LRRK1: variants seen among roughly 807,000 people sequenced by gnomAD.
LRRK1 encodes the protein leucine rich repeat kinase 1, also known as leucine-rich repeat serine/threonine-protein kinase 1.
LRRK1 carries 113 observed loss-of-function variants against 209.1 expected under a neutral mutation model. The ratio of observed to expected loss-of-function variants is 0.54; its 90% CI spans 0.46 to 0.63. LRRK1 has a LOEUF of 0.63. LRRK1 is among the 30% of genes least tolerant of loss of function. The pLI, the probability that LRRK1 is intolerant of heterozygous loss-of-function variation, is 0.00. For synonymous variants in LRRK1, 1,144 were observed against 1,099.7 expected (o/e 1.04, Z -0.80); for missense variants, 2,284 against 2,632.2 (o/e 0.87, Z 2.89).
chr15:100,978,467 A>G (rs144407963), intron 3 of LRRK1, among the ~76,000 whole-genome samples: 75 of 152,356 alleles, frequency 4.9e-4, no homozygotes, highest in African/African-American at 1.7e-3. Context: ...AAAACTAAAG[A>G]CAAAACAAAA....
chr15:101,066,561 C>T, intron 32 of LRRK1, 79 bp from the exon 33 acceptor site: 4 of 1,354,796 alleles, frequency 3.0e-6, no homozygotes, highest in Non-Finnish European at 4.2e-6. Context: ...CCTCCCGCAC[C>T]TTTCTGCACA....
intron 6 of LRRK1, chr15:100,989,634 C>T: frequency 6.9e-6 from 4 of 582,626 alleles, no homozygotes; most frequent in Non-Finnish European, 1.2e-5. Context: ...TATAACAACC[C>T]ACCCTCAAAA....
chr15:101,066,616 C>T, intron 32 of LRRK1, 24 bp from the exon 33 acceptor site: 1 of 1,609,654 alleles, frequency 6.2e-7, no homozygotes, highest in South Asian at 1.1e-5. Flanking sequence ...AAATCGCTTC[C>T]CCTTCTGGGT....
At chr15:101,009,815 T>G (rs1202116402) in intron 7 of LRRK1, among the ~76,000 whole-genome samples, 1 of 152,192 alleles carries the variant, frequency 6.6e-6, no homozygotes, top group Non-Finnish European at 1.5e-5. Flanking sequence ...CTTGACCTCC[T>G]GACCTCATGA....
Position 101,055,241 on chromosome 15 carries a change from C to T in LRRK1, c.4332+18C>T. On this transcript the variant is annotated intron_variant, in intron 27 of 33. Transcript: ENST00000388948. ...ATGAGAAGGTACGTGCCTGGATCCC[C>T]TGGCCCAGCCCCACAGTGTAGGAGC... 3 of 1,526,516 alleles carry T rather than the reference C, an allele frequency of 2.0e-6. No individual in the cohort carries two copies. The highest frequency in any genetic ancestry group is 2.6e-5 in the South Asian group (2 of 76,190). The allele number at this position is 1,526,516 out of a possible 1,614,324, so 94.6% of individuals were successfully genotyped here. A position where few individuals can be genotyped will look rare whatever the true frequency, so the allele number is the denominator to read the frequency against.
chr15:101,057,738 C>A (rs945139490), intron 28 of LRRK1, among the ~76,000 whole-genome samples: 13 of 152,178 alleles, frequency 8.5e-5, no homozygotes, highest in African/African-American at 2.2e-4. Context: ...GTCCTTGGGC[C>A]TGGGTTGGAA....
chr15:100,981,358 C>T (rs1021376273), intron 3 of LRRK1, among the ~76,000 whole-genome samples: 1 of 152,184 alleles, frequency 6.6e-6, no homozygotes, highest in South Asian at 2.1e-4. Flanking sequence ...AATGCAAATG[C>T]TTTCCTGGAA....
intron 26 of LRRK1, among the ~76,000 whole-genome samples, chr15:101,054,607 G>T (rs1210616511): frequency 6.6e-6 from 1 of 152,196 alleles, no homozygotes; most frequent in Non-Finnish European, 1.5e-5. Flanking sequence ...AGGAATTCAA[G>T]ACCAGCCTGG....
At position 101,066,126 on chromosome 15, in the gene LRRK1, C is replaced by T. The variant is rs370127139; in HGVS notation, c.5689C>T (p.Pro1897Ser). 1.9e-6 allele frequency: 3 copies of T among 1,614,006 alleles called. No individual in the cohort carries two copies. In the African/African-American group the frequency reaches 4.0e-5, roughly 22 times the overall value. ...CGACAGGTCTGAGCATGACCTGACC[C>T]CCATGGACGGGGAGACCTTCAGCCA... ...ASDRSEHDLT[P>S]MDGETFSQHL... The change falls in exon 32 of 34, where the codon CCC becomes TCC. Residue 1897 changes from proline (P) to serine (S), a missense_variant. By Grantham distance (74) the Pro-to-Ser change is moderately conservative. Around this residue, in one of 6 missense-constraint regions of LRRK1, gnomAD observed 643 missense variants for 695.9 expected, o/e 0.92. Transcript: ENST00000388948.
Position 101,022,193 on chromosome 15 carries a change from G to A in LRRK1, c.1853-190G>A. ...CTGGGCAGCAAGGATTTTGTCCATA[G>A]GTTCTTGCCTCTTAGAGTTCGCTTT... On this transcript the variant is annotated intron_variant, in intron 14 of 33. Coordinates refer to ENST00000388948, the MANE Select transcript of LRRK1 (RefSeq NM_024652.6). This position sits in a 1 kb window ranked among gnomAD's most constrained non-coding sequence, Gnocchi z 4.0. 3.1e-6 allele frequency: 2 copies of A among 649,780 alleles called. No homozygotes were observed. The highest frequency in any genetic ancestry group is 2.6e-6 in the Non-Finnish European group (1 of 379,056). 40.3% of individuals were successfully genotyped at this position (649,780 alleles called of 1,614,324 possible).
At position 101,027,761 on chromosome 15, in the gene LRRK1, G is replaced by GACAACGACATCAAGGACT; in HGVS notation, c.2653_2670dup (p.Asn885_Tyr890dup). 1 of 1,600,888 alleles carries GACAACGACATCAAGGACT rather than the reference G, an allele frequency of 6.2e-7. No homozygotes were observed. Among genetic ancestry groups the GACAACGACATCAAGGACT allele is most frequent in the Non-Finnish European group, 8.5e-7 (1 of 1,174,066 alleles). ...GGAGCAGCTGGTGGAGCAGACGCCC[G>GACAACGACATCAAGGACT]ACAACGACATCAAGGACTACGAGGA... On this transcript the variant is annotated inframe_insertion, in exon 19 of 34. Coordinates refer to ENST00000388948, the MANE Select transcript of LRRK1 (RefSeq NM_024652.6). The surrounding 1 kb of genome is among the most constrained non-coding windows in gnomAD (Gnocchi z 5.1).
At chr15:101,059,808 A>G (rs59603299) in intron 29 of LRRK1, among the ~76,000 whole-genome samples, 1,748 of 152,340 alleles carry the variant, frequency 0.011, 46 homozygotes, top group African/African-American at 0.04. Flanking sequence ...ACCAAAGTGA[A>G]CCAGGGCTCA....
At position 101,027,688 on chromosome 15, in the gene LRRK1, G is replaced by A. The variant is rs1567244575; in HGVS notation, c.2577G>A (p.Gln859=). 1 of 1,613,158 alleles carries A rather than the reference G, an allele frequency of 6.2e-7. No homozygotes were observed. The highest frequency in any genetic ancestry group is 8.5e-7 in the Non-Finnish European group (1 of 1,179,772). Residue 859 remains glutamine (Q), a synonymous_variant, in exon 19 of 34, where the codon CAG becomes CAA. Transcript: ENST00000388948. This position sits in a 1 kb window ranked among gnomAD's most constrained non-coding sequence, Gnocchi z 5.1. ...SLQEAVLAEQ[Q]RRSRDDDVQY... is the part of the protein sequence containing the mutation. ...AGGAGGCCGTGCTGGCAGAGCAGCA[G>A]CGCCGCAGCCGGGACGACGACGTGC... is the stretch of plus-strand genomic sequence containing the variant.
intron 9 of LRRK1, among the ~76,000 whole-genome samples, chr15:101,011,106 C>T (rs2033215921): frequency 6.6e-6 from 1 of 152,104 alleles, no homozygotes; most frequent in Non-Finnish European, 1.5e-5. Flanking sequence ...ACAGCTTTCA[C>T]CCTGGCACAG....
Position 100,965,389 on chromosome 15 carries a change from A to T in LRRK1, c.98-8415A>T, listed in dbSNP as rs548442364. 2.6e-5 allele frequency among the ~76,000 whole-genome samples: 4 copies of T among 152,348 alleles called. No homozygotes were observed. In the South Asian group the frequency reaches 8.3e-4, roughly 32 times the overall value. On this transcript the variant is annotated intron_variant, in intron 2 of 33. Coordinates refer to ENST00000388948, the MANE Select transcript of LRRK1 (RefSeq NM_024652.6). ...AAGAACTAAATGGTGTTCAGGTCCT[A>T]CAGGTTTTTAAATATTTTATGTTTT...
At chr15:101,061,096 TGGCAGGCCAGGCTCAGGGAAAGGA>T in intron 29 of LRRK1, 51 bp from the exon 30 acceptor site, 2 of 1,122,602 alleles carry the variant, frequency 1.8e-6, no homozygotes, top group Non-Finnish European at 2.7e-6. Context: ...GGCTCGCAGC[TGGCAGGCCAGGCTCAGGGAAAGGA>T]GGCAGCCCCT....
rs1377141791 is a variant in LRRK1, at chr15:101,022,654, CCTT to C, written c.2067+60_2067+62del. 13 of 1,197,656 alleles carry C rather than the reference CCTT, an allele frequency of 1.1e-5. No homozygotes were observed. Among genetic ancestry groups the C allele is most frequent in the Admixed American group, 4.3e-5 (2 of 46,120 alleles). 74.2% of individuals were successfully genotyped at this position (1,197,656 alleles called of 1,614,324 possible). On this transcript the variant is annotated intron_variant, in intron 15 of 33. Transcript: ENST00000388948. The surrounding 1 kb of genome is among the most constrained non-coding windows in gnomAD (Gnocchi z 4.0). ...GGGTGGGAGGAACATCCCTTGGACT[CCTT>C]CTCCCTTCTCCCCAGAGAGCCCAGG...
chr15:101,008,456 C>G (rs2033077510), intron 6 of LRRK1, among the ~76,000 whole-genome samples: 1 of 152,166 alleles, frequency 6.6e-6, no homozygotes, highest in Non-Finnish European at 1.5e-5. Flanking sequence ...GCTTTCTTCT[C>G]CAGTCTGGGG....
intron 6 of LRRK1, among the ~76,000 whole-genome samples, chr15:100,993,581 G>A (rs754965725): frequency 7.2e-5 from 11 of 152,224 alleles, no homozygotes; most frequent in South Asian, 2.1e-4. Flanking sequence ...TTCTCTTCAC[G>A]TGTCCACTTT....
Sources: allele counts gnomAD v4.1 joint callset (sites outside exome capture counted in the v4.1 genomes callset), GRCh38; gene constraint gnomAD v4.1.1; regional missense constraint gnomAD v4.1.1; non-coding constraint Gnocchi (gnomAD v3.1); transcripts MANE v1.5; gene names NCBI Gene and HGNC (gene_info 2026-07-23, HGNC 2026-07-21).